The following PAIP2 variants were observed in gnomAD, a reference collection of about 807,000 sequenced individuals.
The protein encoded by PAIP2 is polyadenylate-binding protein-interacting protein 2.
In PAIP2, 7 loss-of-function variants were observed where a neutral mutation model predicts 14.8. That is an observed-to-expected ratio of 0.47 (90% confidence interval 0.27 to 0.89). The LOEUF (loss-of-function observed/expected upper bound fraction) is 0.89. Among genes scored for constraint, PAIP2 ranks in the 40% least tolerant of loss-of-function variants. The pLI is 0.13. For missense variants in PAIP2, 122 were observed against 154.7 expected, an observed-to-expected ratio of 0.79 and a Z score of 1.12; for synonymous variants, 47 against 45.3, an observed-to-expected ratio of 1.04 and a Z score of -0.15.
At chr5:139,362,009 A>G (rs1757080549) in intron 1 of PAIP2, among the ~76,000 whole-genome samples, 1 of 151,932 alleles carries the variant, frequency 6.6e-6, no homozygotes, top group Admixed American at 6.6e-5. Flanking sequence ...AGAACTTGAC[A>G]TGGACCTAGA....
At chr5:139,366,791 T>C (rs999313426) in intron 3 of PAIP2, among the ~76,000 whole-genome samples, 32 of 152,224 alleles carry the variant, frequency 2.1e-4, no homozygotes, top group Admixed American at 2.0e-4. Flanking sequence ...CTGGATGTGG[T>C]GGCTCATGCT....
rs1394779095 is a variant in PAIP2, at chr5:139,369,481, T to G, written c.*683T>G. ...GACCAATACCAACCCATAATCCAGCTGAACAAAGATACTGTAACATGATTT... is the reference window on the plus strand; with the variant it reads ...GACCAATACCAACCCATAATCCAGCGGAACAAAGATACTGTAACATGATTT... On this transcript the variant is annotated 3_prime_UTR_variant, in exon 4 of 4. Transcript: ENST00000265192. 1 of 96,888 alleles carries G rather than the reference T, an allele frequency of 1.0e-5. No individual in the cohort carries two copies. Among genetic ancestry groups the G allele is most frequent in the Non-Finnish European group, 2.0e-5 (1 of 49,126 alleles). 6.0% of individuals were successfully genotyped at this position (96,888 alleles called of 1,614,324 possible).
At chr5:139,356,159 TA>T (rs1050941073) in intron 1 of PAIP2, among the ~76,000 whole-genome samples, 2 of 137,302 alleles carry the variant, frequency 1.5e-5, no homozygotes, top group African/African-American at 5.5e-5. Flanking sequence ...GTTAAATAAA[TA>T]AAGTCGGCTG....
At chr5:139,368,352 CTAAA>C (rs1433507159) in intron 3 of PAIP2, among the ~76,000 whole-genome samples, 3 of 150,402 alleles carry the variant, frequency 2.0e-5, no homozygotes, top group African/African-American at 4.9e-5. Context: ...AAAAAAAAAA[CTAAA>C]TAAATAAATA....
chr5:139,345,376 A>C (rs1193590925), intron 1 of PAIP2, among the ~76,000 whole-genome samples: 1 of 152,156 alleles, frequency 6.6e-6, no homozygotes, highest in Non-Finnish European at 1.5e-5. Flanking sequence ...TTACTGTGCC[A>C]AATAGTAAAA....
chr5:139,346,265 C>T (rs994106625), intron 1 of PAIP2, among the ~76,000 whole-genome samples: 7 of 152,118 alleles, frequency 4.6e-5, no homozygotes, highest in African/African-American at 1.2e-4. Flanking sequence ...TTTTTTGAGA[C>T]GGAGATTTGC....
At chr5:139,342,283 G>A (rs1406086201) in intron 1 of PAIP2, among the ~76,000 whole-genome samples, 1 of 152,028 alleles carries the variant, frequency 6.6e-6, no homozygotes, top group Admixed American at 6.6e-5. Flanking sequence ...ACTTTCTCCT[G>A]TTCCTCATTC....
chr5:139,346,083 A>G (rs1056038653), intron 1 of PAIP2, among the ~76,000 whole-genome samples: 1 of 152,130 alleles, frequency 6.6e-6, no homozygotes, highest in Non-Finnish European at 1.5e-5. Flanking sequence ...GGGGAAAAAC[A>G]GCTGAAGACA....
chr5:139,348,649 G>A (rs1319486848), intron 1 of PAIP2, among the ~76,000 whole-genome samples: 2 of 151,026 alleles, frequency 1.3e-5, no homozygotes, highest in Admixed American at 1.3e-4. Context: ...GAGCCACTGT[G>A]CCTGGCCACG....
At chr5:139,364,074 C>T in intron 2 of PAIP2, 152 bp downstream of exon 2, 1 of 665,100 alleles carries the variant, frequency 1.5e-6, no homozygotes. Flanking sequence ...TGATTACTAC[C>T]AGGCTTAACT....
chr5:139,354,564 G>C (rs1183848999), intron 1 of PAIP2, among the ~76,000 whole-genome samples: 3 of 152,096 alleles, frequency 2.0e-5, no homozygotes, highest in Admixed American at 6.6e-5. Context: ...TATCAAATTT[G>C]GGGAGTTTTA....
chr5:139,357,394 G>A (rs1170953627), intron 1 of PAIP2, among the ~76,000 whole-genome samples: 1 of 152,144 alleles, frequency 6.6e-6, no homozygotes, highest in African/African-American at 2.4e-5. Context: ...TGTGTTGATT[G>A]TTTGCCCCGT....
rs11548837 is a variant in PAIP2, at chr5:139,369,093, G to T, written c.*295G>T. On this transcript the variant is annotated 3_prime_UTR_variant, in exon 4 of 4. Coordinates refer to ENST00000265192, the MANE Select transcript of PAIP2 (RefSeq NM_016480.5). ...TAAAAGACCTAAACCTTACCAAATT[G>T]TCTTTTTTTGAGGCTAATCTATCAC... The T allele has an allele frequency of 5.2e-5, 12 of 231,008 alleles. No homozygotes were observed. The highest frequency in any genetic ancestry group is 8.4e-5 in the Non-Finnish European group (10 of 119,506). 14.3% of individuals were successfully genotyped at this position (231,008 alleles called of 1,614,324 possible).
chr5:139,360,709 C>T (rs1231013393), intron 1 of PAIP2, among the ~76,000 whole-genome samples: 1 of 150,904 alleles, frequency 6.6e-6, no homozygotes, highest in Non-Finnish European at 1.5e-5. Context: ...GCGATCCACC[C>T]CTGTTGACCT....
chr5:139,354,509 C>T (rs1170552440), intron 1 of PAIP2, among the ~76,000 whole-genome samples: 2 of 152,124 alleles, frequency 1.3e-5, no homozygotes, highest in African/African-American at 2.4e-5. Flanking sequence ...GTTTATCCTA[C>T]TTTGGGTTAA....
intron 1 of PAIP2, among the ~76,000 whole-genome samples, chr5:139,362,943 G>C (rs969761058): frequency 6.6e-6 from 1 of 152,006 alleles, no homozygotes; most frequent in Non-Finnish European, 1.5e-5. Flanking sequence ...TACTGTTATC[G>C]GAAAACATTA....
chr5:139,350,687 T>C (rs940510865), intron 1 of PAIP2, among the ~76,000 whole-genome samples: 1 of 151,350 alleles, frequency 6.6e-6, no homozygotes, highest in African/African-American at 2.4e-5. Context: ...TGAAAGATCA[T>C]ACCTGCAACT....
chr5:139,349,719 C>T (rs1756669319), intron 1 of PAIP2, among the ~76,000 whole-genome samples: 1 of 151,952 alleles, frequency 6.6e-6, no homozygotes, highest in South Asian at 2.1e-4. Context: ...AATGTTAATT[C>T]CTGGCTGGGC....
At position 139,369,038 on chromosome 5, in the gene PAIP2, C is replaced by T; in HGVS notation, c.*240C>T. On this transcript the variant is annotated 3_prime_UTR_variant, in exon 4 of 4. Coordinates refer to ENST00000265192, the MANE Select transcript of PAIP2 (RefSeq NM_016480.5). ...GATGTGAAGACAGCAAGGAAAGAAG[C>T]ACCAGTCAAGTTGTGAACAAGCACC... The T allele has an allele frequency of 7.8e-6, 3 of 385,738 alleles. No homozygotes were observed. The highest frequency in any genetic ancestry group is 4.3e-5 in the East Asian group (1 of 23,014). The allele number at this position is 385,738 out of a possible 1,614,324, so 23.9% of individuals were successfully genotyped here. A position where few individuals can be genotyped will look rare whatever the true frequency, so the allele number is the denominator to read the frequency against.
Sources: allele counts gnomAD v4.1 joint callset (sites outside exome capture counted in the v4.1 genomes callset), GRCh38; gene constraint gnomAD v4.1.1; transcripts MANE v1.5; gene names NCBI Gene and HGNC (gene_info 2026-07-23, HGNC 2026-07-21).